PCDH15: variants seen among roughly 807,000 people sequenced by gnomAD.
PCDH15 encodes the protein protocadherin related 15.
In PCDH15, 129 loss-of-function variants were observed where a neutral mutation model predicts 178.5. The observed-to-expected ratio is 0.72, with a 90% CI of 0.63 to 0.84. The LOEUF is 0.84. Ranked by LOEUF, PCDH15 falls within the 40% of genes least tolerant of loss-of-function variation. The probability of loss-of-function intolerance (pLI) is 0.00; values close to 1 mark genes in which losing one functional copy is unlikely to be tolerated. For synonymous variants in PCDH15, 800 were observed against 732.0 expected (o/e 1.09, Z -1.50); for missense variants, 2,230 against 2,099.9 (o/e 1.06, Z -1.21).
chr10:54,481,038 T>C (rs2078679201), intron 3 of PCDH15, among the ~76,000 whole-genome samples: 1 of 151,864 alleles, frequency 6.6e-6, no homozygotes, highest in African/African-American at 2.4e-5. Context: ...ACTCTAATAA[T>C]CTGTGATTCT....
rs138382513 is a variant in PCDH15 at position 54,468,018 on chromosome 10, C to T, written c.157+59794G>A. 9.9e-5 allele frequency among the ~76,000 whole-genome samples: 15 copies of T among 151,958 alleles called. No homozygotes were observed. In the East Asian group the frequency reaches 2.7e-3, roughly 27 times the overall value. Reference sequence around the variant, plus strand: ...TCAGTGCTATCAGTTGTAATGTCTCCATTTTTCTGATTTATTTGGGTCCTC... The same window carrying T: ...TCAGTGCTATCAGTTGTAATGTCTCTATTTTTCTGATTTATTTGGGTCCTC... On this transcript the variant is annotated intron_variant, in intron 3 of 37. Coordinates refer to ENST00000644397, the MANE Select transcript of PCDH15 (RefSeq NM_001384140.1).
At chr10:55,334,183 C>T (rs932898583) in intron 2 of PCDH15, among the ~76,000 whole-genome samples, 6 of 133,688 alleles carry the variant, frequency 4.5e-5, no homozygotes, top group Non-Finnish European at 9.2e-5. Flanking sequence ...TTTAGTTTCC[C>T]GTATCTCATT....
chr10:54,723,988 C>T (rs1333247216), intron 1 of PCDH15, among the ~76,000 whole-genome samples: 7 of 151,606 alleles, frequency 4.6e-5, no homozygotes, highest in African/African-American at 7.3e-5. Context: ...GTAGATTTCT[C>T]AAAGAAGTAA....
chr10:54,857,479 C>A (rs1953760747), intron 3 of PCDH15, among the ~76,000 whole-genome samples: 1 of 152,028 alleles, frequency 6.6e-6, no homozygotes. Flanking sequence ...AAGGTCTAAC[C>A]CTGTCACTCA....
intron 9 of PCDH15, among the ~76,000 whole-genome samples, chr10:54,218,176 C>T (rs77051147): frequency 0.033 from 4,945 of 152,152 alleles, 120 homozygotes; most frequent in Middle Eastern, 0.071. Context: ...CATTAAGAAA[C>T]TATTTCAGCT....
At chr10:54,418,723 A>C (rs1954809451) in intron 3 of PCDH15, among the ~76,000 whole-genome samples, 1 of 151,974 alleles carries the variant, frequency 6.6e-6, no homozygotes, top group Non-Finnish European at 1.5e-5. Flanking sequence ...AATAATAATA[A>C]TTTGGGGGTG....
At chr10:54,588,298 A>G (rs745381971) in intron 2 of PCDH15, among the ~76,000 whole-genome samples, 1 of 152,210 alleles carries the variant, frequency 6.6e-6, no homozygotes, top group Non-Finnish European at 1.5e-5. Flanking sequence ...CCAACTGGTG[A>G]CATAATTATT....
intron 8 of PCDH15, among the ~76,000 whole-genome samples, chr10:54,295,003 A>G: frequency 6.6e-6 from 1 of 152,214 alleles, no homozygotes; most frequent in South Asian, 2.1e-4. Flanking sequence ...TGATAAATTC[A>G]TAGTGTGGTC....
At chr10:54,663,853 AG>A (rs1374844002) in intron 2 of PCDH15, among the ~76,000 whole-genome samples, 6 of 151,932 alleles carry the variant, frequency 3.9e-5, no homozygotes, top group Non-Finnish European at 7.4e-5. Context: ...ATATATTCAA[AG>A]GTTAGTAAAT....
intron 2 of PCDH15, among the ~76,000 whole-genome samples, chr10:55,470,465 A>T (rs1235654179): frequency 2.0e-5 from 3 of 152,144 alleles, no homozygotes; most frequent in Admixed American, 2.0e-4. Flanking sequence ...TATTTATTTT[A>T]AGTAATTTAT....
At chr10:55,369,010 C>CAAA (rs60906060) in intron 2 of PCDH15, among the ~76,000 whole-genome samples, 2,720 of 85,204 alleles carry the variant, frequency 0.032, 17 homozygotes, top group Non-Finnish European at 0.046. Context: ...TTTTTGGGAC[C>CAAA]AAAAAAAAAA....
In PCDH15 at chr10:55,469,870, A is replaced by G. The variant is rs200481406; in HGVS notation, c.-156+157755T>C. On this transcript the variant is annotated intron_variant, in intron 2 of 5. Coordinates refer to the PCDH15 transcript ENST00000613346. ...GTGCCATACTTAGAAAAGCCAATAT[A>G]TAAAATTAAATATTAAATTTAATAT... 3.9e-5 allele frequency among the ~76,000 whole-genome samples: 6 copies of G among 152,130 alleles called. No homozygotes were observed. In the East Asian group the frequency reaches 1.2e-3, roughly 29 times the overall value.
intron 2 of PCDH15, among the ~76,000 whole-genome samples, chr10:54,622,398 G>A (rs578227297): frequency 6.7e-6 from 1 of 149,234 alleles, no homozygotes; most frequent in East Asian, 2.0e-4. Flanking sequence ...ACAATAATTG[G>A]TGACAAGATT....
chr10:54,323,976 G>A (rs6481088), intron 7 of PCDH15, among the ~76,000 whole-genome samples: 31,160 of 151,840 alleles, frequency 0.21, 3,253 homozygotes, highest in Admixed American at 0.23. Context: ...ATCATTTATA[G>A]CCCCAAATGC....
At chr10:54,962,482 G>A (rs1838681823) in intron 2 of PCDH15, among the ~76,000 whole-genome samples, 1 of 152,214 alleles carries the variant, frequency 6.6e-6, no homozygotes, top group South Asian at 2.1e-4. Flanking sequence ...CAGACCTTGG[G>A]GCTCCCTGAA....
chr10:54,126,218 G>C (rs911120946), intron 15 of PCDH15, among the ~76,000 whole-genome samples: 1 of 151,988 alleles, frequency 6.6e-6, no homozygotes, highest in African/African-American at 2.4e-5. Flanking sequence ...TTACAAGCAT[G>C]CACCAACACA....
At chr10:53,944,160 A>C (rs2086325466) in intron 23 of PCDH15, among the ~76,000 whole-genome samples, 1 of 152,190 alleles carries the variant, frequency 6.6e-6, no homozygotes, top group Non-Finnish European at 1.5e-5. Context: ...ACTACTGTAC[A>C]ATAATTCAAG....
intron 26 of PCDH15, among the ~76,000 whole-genome samples, chr10:53,888,359 CAT>C (rs68166844): frequency 2.6e-4 from 28 of 107,136 alleles, no homozygotes; most frequent in Non-Finnish European, 4.2e-4. Context: ...CGTATATATA[CAT>C]ATATATATAT....
intron 2 of PCDH15, among the ~76,000 whole-genome samples, chr10:55,047,781 C>T (rs577120340): frequency 6.6e-6 from 1 of 151,856 alleles, no homozygotes; most frequent in South Asian, 2.1e-4. Flanking sequence ...TCTGAACCTA[C>T]TTTTTTTCAG....
Sources: allele counts gnomAD v4.1 joint callset (sites outside exome capture counted in the v4.1 genomes callset), GRCh38; gene constraint gnomAD v4.1.1; transcripts MANE v1.5; gene names NCBI Gene and HGNC (gene_info 2026-07-23, HGNC 2026-07-21).